USP4: variants seen among roughly 807,000 people sequenced by gnomAD.
USP4 encodes the protein ubiquitin carboxyl-terminal hydrolase 4.
Under a neutral mutation model 118.2 loss-of-function variants are expected in USP4, and 72 were observed. That is an observed-to-expected ratio of 0.61 (90% CI 0.50 to 0.74). The LOEUF is 0.74. Ranked by LOEUF, USP4 falls within the 30% of genes least tolerant of loss-of-function variation. The pLI, the probability that USP4 is intolerant of heterozygous loss-of-function variation, is 0.00. For missense variants in USP4, 1,037 were observed against 1,185.7 expected, an observed-to-expected ratio of 0.87 and a Z score of 1.84; for synonymous variants, 415 against 440.4, an observed-to-expected ratio of 0.94 and a Z score of 0.72.
In USP4 at chr3:49,305,848, T is replaced by C. The variant is rs904524193; in HGVS notation, c.995A>G (p.Lys332Arg). The change falls in exon 9 of 22, where the codon AAA (lysine) becomes AGA (arginine). Residue 332 changes from lysine (K) to arginine (R), a missense_variant. Around this residue, in one of 3 missense-constraint regions of USP4, gnomAD observed 487 missense variants for 534.1 expected, o/e 0.91. Transcript: ENST00000265560. ...NTAPLTDYFL[K>R]DEYEAEINRD... ...GTTGATTTCGGCTTCATACTCATCTTTGAGAAAGTAGTCAGTCAGTGGTGC... is the reference window on the plus strand; with the variant it reads ...GTTGATTTCGGCTTCATACTCATCTCTGAGAAAGTAGTCAGTCAGTGGTGC... 3 of 1,614,036 alleles carry C rather than the reference T, an allele frequency of 1.9e-6. No individual in the cohort carries two copies. The highest frequency in any genetic ancestry group is 3.3e-4 in the Middle Eastern group (2 of 6,062).
chr3:49,329,576 T>C (rs766582100), intron 2 of USP4, among the ~76,000 whole-genome samples: 2 of 152,142 alleles, frequency 1.3e-5, no homozygotes, highest in Non-Finnish European at 2.9e-5. Flanking sequence ...AATTTTCGTA[T>C]TTTTTATAGG....
intron 6 of USP4, among the ~76,000 whole-genome samples, chr3:49,322,517 T>A (rs1054499313): frequency 2.0e-5 from 3 of 152,206 alleles, no homozygotes; most frequent in Non-Finnish European, 4.4e-5. Flanking sequence ...CTCTTTTTTT[T>A]ACTAGTGTTG....
chr3:49,334,175 T>G (rs1008335798), intron 2 of USP4, among the ~76,000 whole-genome samples: 7 of 152,244 alleles, frequency 4.6e-5, no homozygotes, highest in Admixed American at 4.6e-4. Flanking sequence ...CAAGGCAGCG[T>G]TGCCAAATAC....
intron 15 of USP4, among the ~76,000 whole-genome samples, chr3:49,289,696 C>CTTGG (rs2047131989): frequency 6.6e-6 from 1 of 151,898 alleles, no homozygotes; most frequent in Admixed American, 6.6e-5. Context: ...GATGGTGAAA[C>CTTGG]CCCATCTCTA....
At chr3:49,317,363 G>A in intron 6 of USP4, 1 of 1,154,952 alleles carries the variant, frequency 8.7e-7, no homozygotes, top group Non-Finnish European at 1.3e-6. Flanking sequence ...TCCTCCTGCT[G>A]GATCTGCCAG....
At chr3:49,332,933 G>A (rs1278694677) in intron 2 of USP4, among the ~76,000 whole-genome samples, 2 of 151,680 alleles carry the variant, frequency 1.3e-5, no homozygotes, top group African/African-American at 4.8e-5. Context: ...TCAGGAGGCT[G>A]AGATGGGAGG....
At chr3:49,305,174 G>A (rs1405970795) in intron 9 of USP4, among the ~76,000 whole-genome samples, 9 of 150,308 alleles carry the variant, frequency 6.0e-5, no homozygotes, top group Non-Finnish European at 1.0e-4. Context: ...CCGGGTTCAC[G>A]CCATTCTCCT....
Position 49,277,312 on chromosome 3 carries a change from A to T in USP4, c.*981T>A. 8.7e-7 allele frequency: 1 copy of T among 1,153,738 alleles called. No homozygotes were observed. The highest frequency in any genetic ancestry group is 1.1e-6 in the Non-Finnish European group (1 of 872,606). The allele number at this position is 1,153,738 out of a possible 1,614,324, so 71.5% of individuals were successfully genotyped here. On this transcript the variant is annotated 3_prime_UTR_variant, in exon 22 of 22. Coordinates refer to ENST00000265560, the MANE Select transcript of USP4 (RefSeq NM_003363.4). ...CCCGGACCCATACGTCCGGTTCCTT[A>T]AGGCCTTGCCCACACGCAGCGGCTG...
Position 49,300,515 on chromosome 3 carries a change from A to C in USP4, c.1464T>G (p.Val488=). ...TLPLPLKKDR[V]MEVFLVPADP... The stretch of plus-strand genomic sequence containing the variant: ...CAGCAGGAACCAGGAAAACCTCCAT[A>C]ACTCGATCTTTCTTCAAGGGCAGTG... The change falls in exon 11 of 22, where the codon GTT becomes GTG. Residue 488 remains valine, a synonymous_variant. Transcript: ENST00000265560. 1.9e-6 allele frequency: 3 copies of C among 1,614,158 alleles called. No individual in the cohort carries two copies. Among genetic ancestry groups the C allele is most frequent in the Non-Finnish European group, 2.5e-6 (3 of 1,180,036 alleles).
At chr3:49,332,883 A>G (rs1214665785) in intron 2 of USP4, among the ~76,000 whole-genome samples, 1 of 151,730 alleles carries the variant, frequency 6.6e-6, no homozygotes, top group African/African-American at 2.4e-5. Context: ...AAAAAATACA[A>G]TAATTAGTCG....
At chr3:49,292,666 A>AT in intron 14 of USP4, 68 bp from the exon 15 acceptor site, 1 of 1,137,158 alleles carries the variant, frequency 8.8e-7, no homozygotes, top group Non-Finnish European at 1.2e-6. Flanking sequence ...TTTTTCCACC[A>AT]TGCGGCTAAG....
intron 15 of USP4, among the ~76,000 whole-genome samples, chr3:49,291,042 C>T (rs1229549637): frequency 6.6e-6 from 1 of 151,982 alleles, no homozygotes; most frequent in Non-Finnish European, 1.5e-5. Flanking sequence ...GATCTTGGCT[C>T]ACTGAAAGCT....
Position 49,336,811 on chromosome 3 carries a change from C to T in USP4, c.102-1215G>A, listed in dbSNP as rs1042284264. On this transcript the variant is annotated intron_variant, in intron 1 of 21. Transcript: ENST00000265560. ...TGCTGTGATTACAGGCGTGAGCCAC[C>T]GCACCCGGCCACAAGTCATTAATTT... Among the ~76,000 whole-genome samples, 10 of 151,890 alleles carry T rather than the reference C, an allele frequency of 6.6e-5. No individual in the cohort carries two copies. The East Asian group carries it at 7.7e-4, about 12-fold the overall frequency.
At chr3:49,287,241 G>A (rs1304296651) in intron 15 of USP4, among the ~76,000 whole-genome samples, 4 of 151,984 alleles carry the variant, frequency 2.6e-5, no homozygotes, top group Admixed American at 2.0e-4. Flanking sequence ...TGCAACCTCC[G>A]CCTTCTGGGT....
chr3:49,286,856 A>G (rs905483880), intron 15 of USP4, among the ~76,000 whole-genome samples: 2 of 149,202 alleles, frequency 1.3e-5, no homozygotes, highest in African/African-American at 4.9e-5. Flanking sequence ...CTATCTATCT[A>G]TCTATCTATC....
intron 3 of USP4, among the ~76,000 whole-genome samples, chr3:49,326,613 T>G (rs2047558048): frequency 6.6e-6 from 1 of 151,726 alleles, no homozygotes; most frequent in Non-Finnish European, 1.5e-5. Flanking sequence ...GCCAGGATGG[T>G]CTCGATCTCT....
rs1432021497 is a variant in USP4 at position 49,283,486 on chromosome 3, G to T, written c.2540+501C>A. On this transcript the variant is annotated intron_variant, in intron 19 of 21. Transcript: ENST00000265560. ...CATCTATCTGTTAACTTACTTTCCT[G>T]TTCTTAGTTACAGTCTGTACTGTGG... Among the ~76,000 whole-genome samples the T allele has an allele frequency of 2.6e-5, 4 of 152,190 alleles. No individual in the cohort carries two copies. In the East Asian group the frequency reaches 7.7e-4, roughly 29 times the overall value.
intron 11 of USP4, 64 bp downstream of exon 11, chr3:49,300,403 A>G: frequency 6.8e-7 from 1 of 1,463,648 alleles, no homozygotes; most frequent in Non-Finnish European, 9.6e-7. Flanking sequence ...AGATAGGAGC[A>G]GTCCCACTGG....
chr3:49,312,241 G>A (rs894670578), intron 6 of USP4: 5 of 263,292 alleles, frequency 1.9e-5, no homozygotes, highest in Non-Finnish European at 3.1e-5. Context: ...GGCGGATCAT[G>A]AGGTCACGAT....
Sources: gnomAD v4.1 joint callset for allele counts (sites outside exome capture counted in the v4.1 genomes callset) on GRCh38, gnomAD v4.1.1 for gene constraint, gnomAD v4.1.1 regional missense constraint, MANE v1.5 for transcripts, NCBI Gene and HGNC (gene_info 2026-07-23, HGNC 2026-07-21) for gene names.